The following R3HDM1 variants were observed in gnomAD, a reference collection of about 807,000 sequenced individuals.
R3HDM1 encodes R3H domain containing 1, also known as R3H domain-containing protein 1.
Under a neutral mutation model 141.1 loss-of-function variants are expected in R3HDM1, and 46 were observed. That is an observed-to-expected ratio of 0.33 (90% CI 0.26 to 0.42). The LOEUF is 0.42. Among genes scored for constraint, R3HDM1 ranks in the 10% least tolerant of loss-of-function variants. R3HDM1 has a pLI of 1.00. For synonymous variants in R3HDM1, 435 were observed against 472.9 expected (o/e 0.92, Z 1.04); for missense variants, 1,184 against 1,368.3 (o/e 0.87, Z 2.12).
intron 21 of R3HDM1, among the ~76,000 whole-genome samples, chr2:135,690,390 G>A (rs2072148045): frequency 6.6e-6 from 1 of 152,070 alleles, no homozygotes; most frequent in African/African-American, 2.4e-5. Context: ...ATAAAATTTT[G>A]ATTTTGCAAG....
At chr2:135,710,400 G>A (rs1289797491) in intron 23 of R3HDM1, among the ~76,000 whole-genome samples, 169 bp downstream of exon 23, 3 of 152,112 alleles carry the variant, frequency 2.0e-5, no homozygotes, top group Admixed American at 6.5e-5. Context: ...GCTGAGGCAC[G>A]GGGATCACCC....
chr2:135,688,517 C>A (rs957154756), intron 21 of R3HDM1, among the ~76,000 whole-genome samples: 1 of 151,606 alleles, frequency 6.6e-6, no homozygotes, highest in African/African-American at 2.4e-5. Flanking sequence ...AATATGATAA[C>A]CAAGTTTTTA....
At chr2:135,616,493 G>C (rs976044131) in intron 4 of R3HDM1, among the ~76,000 whole-genome samples, 175 bp from the exon 5 acceptor site, 8 of 152,052 alleles carry the variant, frequency 5.3e-5, no homozygotes, top group African/African-American at 1.9e-4. Context: ...AAATGTTTGT[G>C]TTCCTTCTTA....
At chr2:135,553,115 C>A (rs1207114189) in intron 1 of R3HDM1, among the ~76,000 whole-genome samples, 3 of 152,170 alleles carry the variant, frequency 2.0e-5, no homozygotes, top group African/African-American at 7.2e-5. Flanking sequence ...ACTGATCTAC[C>A]TGCCTTGGCC....
chr2:135,626,581 G>A (rs556728682), intron 7 of R3HDM1, among the ~76,000 whole-genome samples: 5 of 152,128 alleles, frequency 3.3e-5, no homozygotes, highest in Non-Finnish European at 5.9e-5. Context: ...AAGGAACAAA[G>A]ATTATAAATC....
intron 18 of R3HDM1, among the ~76,000 whole-genome samples, chr2:135,654,124 C>T (rs2065481264): frequency 6.6e-6 from 1 of 152,080 alleles, no homozygotes; most frequent in Admixed American, 6.5e-5. Flanking sequence ...GCAGTTGCTA[C>T]TTGTTCCTCC....
intron 20 of R3HDM1, among the ~76,000 whole-genome samples, chr2:135,679,439 C>T (rs1299418311): frequency 6.6e-6 from 1 of 152,096 alleles, no homozygotes; most frequent in Non-Finnish European, 1.5e-5. Context: ...AGTCACTTGC[C>T]CAATATCACT....
chr2:135,660,263 A>G (rs2066517919), intron 18 of R3HDM1, among the ~76,000 whole-genome samples: 1 of 151,560 alleles, frequency 6.6e-6, no homozygotes, highest in African/African-American at 2.4e-5. Flanking sequence ...TTTGGGGGGG[A>G]TTTTGGAATA....
At chr2:135,692,657 T>C (rs1163593185) in intron 21 of R3HDM1, among the ~76,000 whole-genome samples, 2 of 151,906 alleles carry the variant, frequency 1.3e-5, no homozygotes, top group African/African-American at 4.8e-5. Context: ...TAGGTTAGGA[T>C]AGAAAAAAAT....
At chr2:135,593,309 A>G (rs1331872803) in intron 1 of R3HDM1, among the ~76,000 whole-genome samples, 1 of 152,202 alleles carries the variant, frequency 6.6e-6, no homozygotes, top group East Asian at 1.9e-4. Flanking sequence ...CATTTAGCAC[A>G]TACATGGGGA....
At chr2:135,661,241 A>AT (rs904462111) in intron 18 of R3HDM1, 29 bp from the exon 19 acceptor site, 54 of 1,612,314 alleles carry the variant, frequency 3.3e-5, no homozygotes, top group Non-Finnish European at 4.1e-5. Context: ...AGTAAAATTG[A>AT]TTTTTTCCCG....
chr2:135,594,979 C>A (rs1008259434), intron 1 of R3HDM1, among the ~76,000 whole-genome samples: 2 of 148,394 alleles, frequency 1.3e-5, no homozygotes, highest in South Asian at 2.1e-4. Flanking sequence ...GATTCTACAC[C>A]CCCCCCCCTT....
chr2:135,613,726 G>C (rs933496888), intron 3 of R3HDM1, among the ~76,000 whole-genome samples: 1 of 152,196 alleles, frequency 6.6e-6, no homozygotes, highest in East Asian at 1.9e-4. Flanking sequence ...TGAGGCAGGA[G>C]AATTACTTGA....
chr2:135,627,510 C>G (rs2062163449), intron 7 of R3HDM1, among the ~76,000 whole-genome samples: 1 of 151,872 alleles, frequency 6.6e-6, no homozygotes, highest in South Asian at 2.1e-4. Context: ...AACCTAGGAA[C>G]CTGAAGGTGT....
intron 18 of R3HDM1, among the ~76,000 whole-genome samples, chr2:135,653,888 T>A (rs2065449160): frequency 6.6e-6 from 1 of 152,182 alleles, no homozygotes; most frequent in Non-Finnish European, 1.5e-5. Context: ...AGAATTTGTG[T>A]TCTAATATTT....
chr2:135,590,349 T>C (rs74502500), intron 1 of R3HDM1, among the ~76,000 whole-genome samples: 4,819 of 152,192 alleles, frequency 0.032, 242 homozygotes, highest in African/African-American at 0.11. Flanking sequence ...AACATTTTTT[T>C]ATTCCAGTAC....
At chr2:135,671,286 G>C (rs1035084339) in intron 19 of R3HDM1, among the ~76,000 whole-genome samples, 1 of 151,788 alleles carries the variant, frequency 6.6e-6, no homozygotes, top group African/African-American at 2.4e-5. Flanking sequence ...ATTTGTATTC[G>C]TGGGAGTGTC....
intron 1 of R3HDM1, among the ~76,000 whole-genome samples, chr2:135,592,520 AT>A (rs1709509708): frequency 6.6e-6 from 1 of 152,112 alleles, no homozygotes; most frequent in South Asian, 2.1e-4. Context: ...AGAATGAATG[AT>A]TTTTTGAAAA....
At chr2:135,562,053 T>C (rs1440196033) in intron 1 of R3HDM1, among the ~76,000 whole-genome samples, 1 of 152,202 alleles carries the variant, frequency 6.6e-6, no homozygotes, top group Non-Finnish European at 1.5e-5. Context: ...AAAGTCTAGA[T>C]ACCGTTAACA....
Sources: gnomAD v4.1 joint callset for allele counts (sites outside exome capture counted in the v4.1 genomes callset) on GRCh38, gnomAD v4.1.1 for gene constraint, MANE v1.5 for transcripts, NCBI Gene and HGNC (gene_info 2026-07-23, HGNC 2026-07-21) for gene names.